Variants in RALYL observed in about 807,000 individuals in gnomAD.
RALYL encodes the protein RNA-binding Raly-like protein.
Under a neutral mutation model 35.1 loss-of-function variants are expected in RALYL, and 29 were observed. The observed-to-expected ratio is 0.83, with a 90% confidence interval of 0.61 to 1.13. The LOEUF (loss-of-function observed/expected upper bound fraction) is 1.13. Among genes scored for constraint, RALYL ranks in the 50% most tolerant of loss-of-function variants. The pLI, the probability that RALYL is intolerant of heterozygous loss-of-function variation, is 0.00. For synonymous variants in RALYL, 120 were observed against 127.6 expected (o/e 0.94, Z 0.40); for missense variants, 359 against 360.4 (o/e 1.00, Z 0.03).
intron 2 of RALYL, among the ~76,000 whole-genome samples, chr8:84,664,964 G>C (rs1157760889): frequency 6.6e-6 from 1 of 152,124 alleles, no homozygotes; most frequent in Non-Finnish European, 1.5e-5. Flanking sequence ...TTGTGGGTTT[G>C]TCATATATGA....
intron 8 of RALYL, among the ~76,000 whole-genome samples, chr8:84,894,218 G>C (rs1844356808): frequency 6.6e-6 from 1 of 152,126 alleles, no homozygotes; most frequent in African/African-American, 2.4e-5. Context: ...TCCTAATGAA[G>C]TCCTTCACCT....
Position 84,434,730 on chromosome 8 carries a change from G to A in RALYL, c.-23-94569G>A, listed in dbSNP as rs558602630. ...ATAGATCACGGCTGACTTCAGCCTC[G>A]ACTACCTGAGCTCGAGTAATTCTCC... On this transcript the variant is annotated intron_variant, in intron 1 of 8. Transcript: ENST00000521268. Among the ~76,000 whole-genome samples the A allele has an allele frequency of 2.6e-5, 4 of 151,948 alleles. No individual in the cohort carries two copies. In the East Asian group the frequency reaches 5.8e-4, roughly 22 times the overall value.
At position 84,496,499 on chromosome 8, in the gene RALYL, C is replaced by G. The variant is rs112243753; in HGVS notation, c.-23-32800C>G. On this transcript the variant is annotated intron_variant, in intron 1 of 8. Coordinates refer to ENST00000521268, the MANE Select transcript of RALYL (RefSeq NM_173848.7). Reference sequence around the variant, plus strand: ...CCCTATAATGTGATCATCTCACAACCATGGCATTATTGGCATAGTTCTCTA... The same window carrying G: ...CCCTATAATGTGATCATCTCACAACGATGGCATTATTGGCATAGTTCTCTA... Among the ~76,000 whole-genome samples, 638 of 152,126 alleles carry G rather than the reference C, an allele frequency of 4.2e-3. 2 individuals are homozygous for G. The highest frequency in any genetic ancestry group is 4.7e-3 in the Non-Finnish European group (321 of 67,970).
At chr8:84,867,919 G>T (rs1288869979) in intron 6 of RALYL, among the ~76,000 whole-genome samples, 1 of 152,210 alleles carries the variant, frequency 6.6e-6, no homozygotes, top group Admixed American at 6.5e-5. Context: ...ATCTGGTCGG[G>T]GGCAGGGGGG....
chr8:84,504,901 G>C (rs1368032667), intron 1 of RALYL, among the ~76,000 whole-genome samples: 1 of 152,054 alleles, frequency 6.6e-6, no homozygotes, highest in Non-Finnish European at 1.5e-5. Flanking sequence ...TCACAAGCTG[G>C]GAGATTGAAA....
intron 1 of RALYL, among the ~76,000 whole-genome samples, chr8:84,475,678 A>G (rs1264075587): frequency 6.6e-6 from 1 of 152,154 alleles, no homozygotes; most frequent in East Asian, 1.9e-4. Flanking sequence ...GTTTACGAAG[A>G]AAGTGTTTGG....
chr8:84,424,212 C>T (rs936562453), intron 1 of RALYL, among the ~76,000 whole-genome samples: 3 of 149,756 alleles, frequency 2.0e-5, no homozygotes, highest in African/African-American at 7.4e-5. Context: ...TTGGTCTTTT[C>T]ACATAGTCCC....
At chr8:84,732,489 C>G (rs965458561) in intron 2 of RALYL, among the ~76,000 whole-genome samples, 3 of 151,668 alleles carry the variant, frequency 2.0e-5, no homozygotes, top group Non-Finnish European at 4.4e-5. Context: ...AGCTATTATT[C>G]AACTACAAAA....
chr8:84,588,182 G>C (rs11984580), intron 2 of RALYL, among the ~76,000 whole-genome samples: 3,074 of 152,214 alleles, frequency 0.02, 100 homozygotes, highest in African/African-American at 0.069. Context: ...AGTTAAGCAA[G>C]ATAATTTTTG....
chr8:84,911,926 G>A (rs1344541572), intron 8 of RALYL, among the ~76,000 whole-genome samples: 1 of 152,136 alleles, frequency 6.6e-6, no homozygotes, highest in African/African-American at 2.4e-5. Flanking sequence ...GAGCACAGGA[G>A]CTTCTGTCCC....
chr8:84,813,811 G>A (rs757521893), intron 4 of RALYL, among the ~76,000 whole-genome samples: 1 of 151,970 alleles, frequency 6.6e-6, no homozygotes, highest in African/African-American at 2.4e-5. Flanking sequence ...CAACGTGCAG[G>A]TTTGTTACAT....
chr8:84,232,548 ATATAT>A (rs1183989206), intron 1 of RALYL, among the ~76,000 whole-genome samples: 1 of 152,168 alleles, frequency 6.6e-6, no homozygotes, highest in Non-Finnish European at 1.5e-5. Context: ...GTTTATAACA[ATATAT>A]TATATTCTTA....
At chr8:84,408,299 T>C (rs1250628750) in intron 1 of RALYL, among the ~76,000 whole-genome samples, 1 of 151,438 alleles carries the variant, frequency 6.6e-6, no homozygotes, top group East Asian at 1.9e-4. Flanking sequence ...TTCCTTGATT[T>C]CAACAAAAAG....
chr8:84,590,794 G>T (rs559767611), intron 2 of RALYL, among the ~76,000 whole-genome samples: 1 of 152,210 alleles, frequency 6.6e-6, no homozygotes, highest in African/African-American at 2.4e-5. Context: ...AAGCATTTCT[G>T]CAGTCAAACC....
At chr8:84,862,570 A>C in intron 6 of RALYL, 117 bp downstream of exon 6, 1 of 773,138 alleles carries the variant, frequency 1.3e-6, no homozygotes, top group Non-Finnish European at 1.9e-6. Context: ...GCTATGTATA[A>C]AGTGTTAGAA....
rs1297038941 is a variant in RALYL, at chr8:84,835,505, A to T, written c.366-14475A>T. Among the ~76,000 whole-genome samples the T allele has an allele frequency of 8.6e-5, 5 of 58,042 alleles. No individual in the cohort carries two copies. The South Asian group carries it at 1.2e-3, about 14-fold the overall frequency. 38.1% of individuals were successfully genotyped at this position (58,042 alleles called of 152,430 possible). ...CATGGAGAAACCCTGTCTCTACTAAAAAAAAAAAAAAAAAAAAAAAATACA... is the reference window on the plus strand; with the variant it reads ...CATGGAGAAACCCTGTCTCTACTAATAAAAAAAAAAAAAAAAAAAAATACA... On this transcript the variant is annotated intron_variant, in intron 4 of 8. Coordinates refer to ENST00000521268, the MANE Select transcript of RALYL (RefSeq NM_173848.7).
At chr8:84,854,322 G>A (rs1409131106) in intron 5 of RALYL, among the ~76,000 whole-genome samples, 1 of 151,630 alleles carries the variant, frequency 6.6e-6, no homozygotes, top group Non-Finnish European at 1.5e-5. Flanking sequence ...CTCCAGCCTG[G>A]GGACAGAGCG....
chr8:84,275,217 A>C (rs1207238825), intron 1 of RALYL, among the ~76,000 whole-genome samples: 1 of 152,116 alleles, frequency 6.6e-6, no homozygotes, highest in African/African-American at 2.4e-5. Flanking sequence ...GTCATCTCTA[A>C]ACCTCTAATG....
intron 8 of RALYL, among the ~76,000 whole-genome samples, chr8:84,899,677 C>G (rs1476330861): frequency 1.3e-5 from 2 of 152,180 alleles, no homozygotes; most frequent in Non-Finnish European, 2.9e-5. Flanking sequence ...AGGCTTAAAA[C>G]CAACACATCA....
Sources: gnomAD v4.1 joint callset for allele counts (sites outside exome capture counted in the v4.1 genomes callset) on GRCh38, gnomAD v4.1.1 for gene constraint, MANE v1.5 for transcripts, NCBI Gene and HGNC (gene_info 2026-07-23, HGNC 2026-07-21) for gene names.